Variants in XKR4 observed in about 807,000 individuals in gnomAD.
XKR4 encodes the protein XK-related protein 4.
Under a neutral mutation model 53.9 loss-of-function variants are expected in XKR4, and 12 were observed. That is an observed-to-expected ratio of 0.22 (90% confidence interval 0.14 to 0.36). XKR4 has a LOEUF of 0.36. XKR4 is among the 10% of genes least tolerant of loss of function. XKR4 has a pLI of 1.00. For missense variants in XKR4, 799 were observed against 859.5 expected (o/e 0.93, Z 0.88); for synonymous variants, 354 against 362.4 (o/e 0.98, Z 0.26).
In XKR4 at chr8:55,184,160, T is replaced by C. The variant is rs556632715; in HGVS notation, c.806+80866T>C. Among the ~76,000 whole-genome samples, 19 of 152,302 alleles carry C rather than the reference T, an allele frequency of 1.2e-4. 1 individual carries two copies. In the South Asian group the frequency reaches 2.5e-3, roughly 20 times the overall value. ...AGCTGAATCTTCTTAACAGCTTACA[T>C]GGAGTGTTTGCAATGCTGGGTTTTG... On this transcript the variant is annotated intron_variant, in intron 1 of 2. Transcript: ENST00000327381.
intron 1 of XKR4, among the ~76,000 whole-genome samples, chr8:55,329,662 C>A (rs555709653): frequency 6.6e-6 from 1 of 152,316 alleles, no homozygotes; most frequent in African/African-American, 2.4e-5. Context: ...TCTGTAGGAA[C>A]TCCTTCCCTT....
chr8:55,111,225 C>A (rs887386432), intron 1 of XKR4, among the ~76,000 whole-genome samples: 1 of 152,122 alleles, frequency 6.6e-6, no homozygotes, highest in Non-Finnish European at 1.5e-5. Flanking sequence ...GCTCCTGGAG[C>A]CTCATAGACT....
intron 2 of XKR4, among the ~76,000 whole-genome samples, chr8:55,498,733 A>G (rs1475814904): frequency 6.6e-6 from 1 of 152,204 alleles, no homozygotes; most frequent in East Asian, 1.9e-4. Context: ...TGATCCTGCC[A>G]CTGCACTCCA....
intron 1 of XKR4, among the ~76,000 whole-genome samples, chr8:55,124,240 G>A (rs559293856): frequency 3.9e-5 from 6 of 152,226 alleles, no homozygotes; most frequent in African/African-American, 1.4e-4. Flanking sequence ...TGTGCTCCTT[G>A]GCCATTCATC....
intron 1 of XKR4, among the ~76,000 whole-genome samples, chr8:55,282,523 T>C (rs968763676): frequency 1.3e-5 from 2 of 151,946 alleles, no homozygotes; most frequent in African/African-American, 2.4e-5. Context: ...GATGGAGCAA[T>C]AGATAGAGAG....
At chr8:55,374,957 G>A (rs1480140899) in intron 2 of XKR4, among the ~76,000 whole-genome samples, 2 of 152,202 alleles carry the variant, frequency 1.3e-5, no homozygotes, top group African/African-American at 4.8e-5. Flanking sequence ...CATGGGAGAT[G>A]CAGCAGGAGC....
intron 1 of XKR4, among the ~76,000 whole-genome samples, chr8:55,148,624 A>G (rs1365703516): frequency 6.6e-6 from 1 of 152,164 alleles, no homozygotes; most frequent in African/African-American, 2.4e-5. Flanking sequence ...TATTTTCCCC[A>G]GCAAACCATG....
At chr8:55,481,765 C>T (rs2129401269) in intron 2 of XKR4, among the ~76,000 whole-genome samples, 1 of 152,240 alleles carries the variant, frequency 6.6e-6, no homozygotes, top group Non-Finnish European at 1.5e-5. Flanking sequence ...CAAAAGAAGA[C>T]ATTTATGCAG....
chr8:55,401,513 G>A (rs553743377), intron 2 of XKR4, among the ~76,000 whole-genome samples: 84 of 152,338 alleles, frequency 5.5e-4, no homozygotes, highest in African/African-American at 1.4e-3. Context: ...CCACAGCTGC[G>A]GCTATAGCTC....
At chr8:55,148,491 C>T (rs753725632) in intron 1 of XKR4, among the ~76,000 whole-genome samples, 5 of 152,126 alleles carry the variant, frequency 3.3e-5, no homozygotes, top group Non-Finnish European at 7.3e-5. Flanking sequence ...TTGATGAGGA[C>T]TGTGCCTCAT....
rs187164562 is a variant in XKR4 at position 55,424,999 on chromosome 8, A to G, written c.1006+67122A>G. On this transcript the variant is annotated intron_variant, in intron 2 of 2. Coordinates refer to ENST00000327381, the MANE Select transcript of XKR4 (RefSeq NM_052898.2). Reference sequence around the variant, plus strand: ...TTTCCTAATTCCCATAAAAAACTGGAACATCTAAATCTCTGCCTGTATTCT... The same window carrying G: ...TTTCCTAATTCCCATAAAAAACTGGGACATCTAAATCTCTGCCTGTATTCT... 7.9e-5 allele frequency among the ~76,000 whole-genome samples: 12 copies of G among 152,352 alleles called. No homozygotes were observed. The East Asian group carries it at 2.3e-3, about 29-fold the overall frequency.
intron 1 of XKR4, among the ~76,000 whole-genome samples, chr8:55,282,835 G>C (rs183809288): frequency 5.3e-5 from 8 of 152,324 alleles, no homozygotes; most frequent in Admixed American, 1.3e-4. Flanking sequence ...CTCACTCACT[G>C]ACTCTTCCAG....
At chr8:55,250,765 A>G (rs1818351839) in intron 1 of XKR4, among the ~76,000 whole-genome samples, 2 of 152,384 alleles carry the variant, frequency 1.3e-5, no homozygotes, top group African/African-American at 4.8e-5. Context: ...AGAATGTTCA[A>G]TTAAAATAGA....
intron 1 of XKR4, among the ~76,000 whole-genome samples, chr8:55,258,870 G>A (rs990755433): frequency 8.5e-5 from 13 of 152,110 alleles, no homozygotes; most frequent in South Asian, 2.1e-4. Context: ...TGCAGCCACC[G>A]GGGAGTTGGA....
At chr8:55,469,140 A>G (rs531680682) in intron 2 of XKR4, among the ~76,000 whole-genome samples, 52 of 152,134 alleles carry the variant, frequency 3.4e-4, no homozygotes, top group African/African-American at 1.1e-3. Context: ...CCTTTTTCCA[A>G]TTCCTCCAAA....
At chr8:55,374,271 G>C (rs1284342099) in intron 2 of XKR4, among the ~76,000 whole-genome samples, 1 of 152,206 alleles carries the variant, frequency 6.6e-6, no homozygotes, top group African/African-American at 2.4e-5. Flanking sequence ...ATACTAGAAA[G>C]TGAGCATGAC....
rs549606502 is a variant in XKR4, at chr8:55,398,520, C to T, written c.1006+40643C>T. On this transcript the variant is annotated intron_variant, in intron 2 of 2. Transcript: ENST00000327381. ...TAAAAAATAAGGAGAGAGCATCCTT[C>T]GGTGAAAGGAGGATGAGTTCCTCCA... Among the ~76,000 whole-genome samples the T allele has an allele frequency of 2.0e-5, 3 of 152,314 alleles. No homozygotes were observed. In the South Asian group the frequency reaches 6.2e-4, roughly 32 times the overall value.
At chr8:55,355,540 G>T (rs2129384133) in intron 1 of XKR4, among the ~76,000 whole-genome samples, 1 of 152,278 alleles carries the variant, frequency 6.6e-6, no homozygotes, top group African/African-American at 2.4e-5. Context: ...GAAAATGGAT[G>T]CAGAACAGCC....
In XKR4 at chr8:55,102,354, C is replaced by G; in HGVS notation, c.-135C>G. On this transcript the variant is annotated 5_prime_UTR_variant, in exon 1 of 3. Transcript: ENST00000327381. This position sits in a 1 kb window ranked among gnomAD's most constrained non-coding sequence, Gnocchi z 5.1. ...GGGCGGCGGCGGACGGCAGGCGAGC[C>G]GACGCAGGAGCAGGAGGAGGGGGAG... 3.5e-6 allele frequency: 4 copies of G among 1,134,764 alleles called. No individual in the cohort carries two copies. The highest frequency in any genetic ancestry group is 4.4e-6 in the Non-Finnish European group (4 of 913,574). 70.3% of individuals were successfully genotyped at this position (1,134,764 alleles called of 1,614,324 possible). A position where few individuals can be genotyped will look rare whatever the true frequency, so the allele number is the denominator to read the frequency against.
Sources: allele counts gnomAD v4.1 joint callset (sites outside exome capture counted in the v4.1 genomes callset), GRCh38; gene constraint gnomAD v4.1.1; non-coding constraint Gnocchi (gnomAD v3.1); transcripts MANE v1.5; gene names NCBI Gene and HGNC (gene_info 2026-07-23, HGNC 2026-07-21).